Variants in SORBS2 observed in about 807,000 individuals in gnomAD.
SORBS2 encodes the protein sorbin and SH3 domain-containing protein 2.
In SORBS2, 46 loss-of-function variants were observed where a neutral mutation model predicts 97.7. The ratio of observed to expected loss-of-function variants is 0.47; its 90% CI spans 0.37 to 0.60. The LOEUF is 0.60. Ranked by LOEUF, SORBS2 falls within the 20% of genes least tolerant of loss-of-function variation. The pLI is 0.00. For synonymous variants in SORBS2, 476 were observed against 473.4 expected, an observed-to-expected ratio of 1.01 and a Z score of -0.07; for missense variants, 1,316 against 1,282.3, an observed-to-expected ratio of 1.03 and a Z score of -0.40.
intron 1 of SORBS2, among the ~76,000 whole-genome samples, chr4:185,889,010 G>A (rs974552565): frequency 1.3e-5 from 2 of 152,210 alleles, no homozygotes; most frequent in African/African-American, 2.4e-5. Context: ...CTGTCATTAT[G>A]CCTTGTGAGG....
chr4:185,908,089 C>T (rs1308891123), intron 1 of SORBS2, among the ~76,000 whole-genome samples: 9 of 151,948 alleles, frequency 5.9e-5, no homozygotes, highest in South Asian at 4.2e-4. Context: ...CCAAAACAAG[C>T]GCATTCTCAG....
chr4:185,764,440 C>G (rs1371875779), intron 2 of SORBS2, among the ~76,000 whole-genome samples: 1 of 152,076 alleles, frequency 6.6e-6, no homozygotes, highest in Non-Finnish European at 1.5e-5. Flanking sequence ...CTACAAAAAC[C>G]ATCTTGAATG....
chr4:185,938,186 T>C (rs1460973438), intron 1 of SORBS2, among the ~76,000 whole-genome samples: 1 of 151,822 alleles, frequency 6.6e-6, no homozygotes, highest in Non-Finnish European at 1.5e-5. Flanking sequence ...TTTGTAGCGA[T>C]GAGGCTTCAC....
At chr4:185,906,735 TC>T (rs1473703182) in intron 1 of SORBS2, among the ~76,000 whole-genome samples, 1 of 152,208 alleles carries the variant, frequency 6.6e-6, no homozygotes, top group Non-Finnish European at 1.5e-5. Flanking sequence ...TGGTATTCTA[TC>T]TATACGAAAA....
chr4:185,873,840 A>T (rs1464377870), intron 1 of SORBS2, among the ~76,000 whole-genome samples: 2 of 152,206 alleles, frequency 1.3e-5, no homozygotes, highest in Non-Finnish European at 2.9e-5. Context: ...AAAATATAAC[A>T]TGAACATTTA....
rs1453905649 is a variant in SORBS2, at chr4:185,624,623, C to G, written c.635-129G>C. 11 of 975,990 alleles carry G rather than the reference C, an allele frequency of 1.1e-5. No homozygotes were observed. The East Asian group carries it at 2.9e-4, about 26-fold the overall frequency. 60.5% of individuals were successfully genotyped at this position (975,990 alleles called of 1,614,324 possible). A position where few individuals can be genotyped will look rare whatever the true frequency, so the allele number is the denominator to read the frequency against. The stretch of plus-strand genomic sequence containing the variant: ...GAGAAAGCAGTTAGTGTGTTTTAAT[C>G]TAGGTGCTGATTGTTCACACATGGA... On this transcript the variant is annotated intron_variant, in intron 6 of 14. Transcript: ENST00000418609.
rs2097914631 is a variant in SORBS2, at chr4:185,684,127, C to T, written c.-197-5305G>A. Reference sequence around the variant, plus strand: ...TGACCTTCTAACAGCTGCACCCCCTCCCAGTGCAGACTGTGCCTTAGGTAC... The same window carrying T: ...TGACCTTCTAACAGCTGCACCCCCTTCCAGTGCAGACTGTGCCTTAGGTAC... On this transcript the variant is annotated intron_variant, in intron 2 of 20. Coordinates refer to the SORBS2 transcript ENST00000284776. This position sits in a 1 kb window ranked among gnomAD's most constrained non-coding sequence, Gnocchi z 4.2. Among the ~76,000 whole-genome samples the T allele has an allele frequency of 6.6e-6, 1 of 152,134 alleles. No individual in the cohort carries two copies. The highest frequency in any genetic ancestry group is 2.4e-5 in the African/African-American group (1 of 41,434).
intron 2 of SORBS2, among the ~76,000 whole-genome samples, chr4:185,766,510 T>C (rs1325025059): frequency 1.7e-5 from 1 of 59,550 alleles, no homozygotes; most frequent in Non-Finnish European, 3.5e-5. Flanking sequence ...TTTAATTGTA[T>C]ATTCACATAT....
intron 2 of SORBS2, among the ~76,000 whole-genome samples, chr4:185,719,217 G>A (rs1428247879): frequency 6.6e-6 from 1 of 152,160 alleles, no homozygotes; most frequent in Non-Finnish European, 1.5e-5. Context: ...GAAAAATTTA[G>A]TTTTTCTGGC....
Position 185,606,997 on chromosome 4 carries a change from T to C in SORBS2, c.2796+4783A>G. On this transcript the variant is annotated intron_variant, in intron 12 of 14. Coordinates refer to ENST00000418609, the Ensembl canonical transcript of SORBS2. This position sits in a 1 kb window ranked among gnomAD's most constrained non-coding sequence, Gnocchi z 4.3. The stretch of plus-strand genomic sequence containing the variant: ...TCTGGGATCCTGAAGAGGCTCTGCA[T>C]GGTAAGGCTGGGCTGCAGCCGAGGC... 2.0e-6 allele frequency: 2 copies of C among 1,002,148 alleles called. No homozygotes were observed. The highest frequency in any genetic ancestry group is 2.4e-6 in the Non-Finnish European group (2 of 839,824). 62.1% of individuals were successfully genotyped at this position (1,002,148 alleles called of 1,614,324 possible).
intron 1 of SORBS2, among the ~76,000 whole-genome samples, chr4:185,861,714 TCCTGCCTCAG>T (rs1561244297): frequency 6.6e-6 from 1 of 151,968 alleles, no homozygotes; most frequent in Non-Finnish European, 1.5e-5. Context: ...CAAGCGATCC[TCCTGCCTCAG>T]CCTCCCAAGT....
At chr4:185,617,639 C>A (rs2096649018) in intron 9 of SORBS2, among the ~76,000 whole-genome samples, 1 of 152,110 alleles carries the variant, frequency 6.6e-6, no homozygotes, top group African/African-American at 2.4e-5. Context: ...AAGGTCTGTG[C>A]ACATAGGCCA....
chr4:185,773,378 A>C (rs578208154), intron 2 of SORBS2: 1 of 152,378 alleles, frequency 6.6e-6, no homozygotes, highest in South Asian at 2.1e-4. Context: ...AGTGGCAATG[A>C]AATGCCCAGG....
At chr4:185,932,409 T>C (rs963540755) in intron 1 of SORBS2, among the ~76,000 whole-genome samples, 4 of 151,746 alleles carry the variant, frequency 2.6e-5, no homozygotes, top group Non-Finnish European at 5.9e-5. Flanking sequence ...GATTCGATGA[T>C]AGTCTTACTT....
In SORBS2 at chr4:185,635,412, C is replaced by T. The variant is rs764644511; in HGVS notation, c.397-4814G>A. 6.2e-7 allele frequency: 1 copy of T among 1,613,178 alleles called. No homozygotes were observed. The highest frequency in any genetic ancestry group is 8.5e-7 in the Non-Finnish European group (1 of 1,179,292). ...CATAGTCCAGAGGCTTTTTAGGAGGCTGGGTGTAGACGCACCACAGAAGCA... is the reference window on the plus strand; with the variant it reads ...CATAGTCCAGAGGCTTTTTAGGAGGTTGGGTGTAGACGCACCACAGAAGCA... On this transcript the variant is annotated intron_variant, in intron 4 of 14. Transcript: ENST00000418609.
chr4:185,873,559 T>G (rs1330186937), intron 1 of SORBS2, among the ~76,000 whole-genome samples: 1 of 152,166 alleles, frequency 6.6e-6, no homozygotes, highest in Non-Finnish European at 1.5e-5. Flanking sequence ...TCTAGGGAAA[T>G]GCATATCTAT....
intron 2 of SORBS2, among the ~76,000 whole-genome samples, chr4:185,691,260 T>C (rs1177475714): frequency 2.6e-5 from 4 of 151,764 alleles, no homozygotes; most frequent in Middle Eastern, 3.2e-3. Flanking sequence ...GTGCAGTTGG[T>C]GTGATTGTAG....
At chr4:185,637,854 T>C (rs1053846698) in intron 4 of SORBS2, among the ~76,000 whole-genome samples, 2 of 152,086 alleles carry the variant, frequency 1.3e-5, no homozygotes, top group African/African-American at 4.8e-5. Context: ...GAATTAGATG[T>C]AAAGAAATCT....
At chr4:185,840,198 T>C (rs1197573064) in intron 1 of SORBS2, among the ~76,000 whole-genome samples, 2 of 152,182 alleles carry the variant, frequency 1.3e-5, no homozygotes, top group African/African-American at 4.8e-5. Flanking sequence ...ATTTTAAGAA[T>C]ATTGTTTGGG....
Sources: gnomAD v4.1 joint callset for allele counts (sites outside exome capture counted in the v4.1 genomes callset) on GRCh38, gnomAD v4.1.1 for gene constraint, Gnocchi (gnomAD v3.1) non-coding constraint, MANE v1.5 for transcripts, NCBI Gene and HGNC (gene_info 2026-07-23, HGNC 2026-07-21) for gene names.